DLG2: variants seen among roughly 807,000 people sequenced by gnomAD.
DLG2 encodes the protein discs large MAGUK scaffold protein 2, also known as disks large homolog 2.
DLG2 carries 45 observed loss-of-function variants against 132.5 expected under a neutral mutation model. The ratio of observed to expected loss-of-function variants is 0.34; its 90% CI spans 0.27 to 0.44. The LOEUF (loss-of-function observed/expected upper bound fraction) is 0.44. DLG2 is among the 20% of genes least tolerant of loss of function. The pLI is 1.00. For synonymous variants in DLG2, 424 were observed against 419.6 expected (o/e 1.01, Z -0.13); for missense variants, 1,045 against 1,196.9 (o/e 0.87, Z 1.87).
chr11:84,362,863 T>A (rs1457867223), intron 7 of DLG2, among the ~76,000 whole-genome samples: 5 of 152,228 alleles, frequency 3.3e-5, no homozygotes, highest in Admixed American at 3.3e-4. Flanking sequence ...GGCTGCATAG[T>A]ATTCCATGGT....
At chr11:84,849,137 C>T (rs1314367769) in intron 6 of DLG2, among the ~76,000 whole-genome samples, 2 of 152,058 alleles carry the variant, frequency 1.3e-5, no homozygotes, top group African/African-American at 2.4e-5. Context: ...TGGAGAGAGG[C>T]CAAATTGTCC....
chr11:83,684,115 C>T (rs749328069), intron 18 of DLG2, among the ~76,000 whole-genome samples: 5 of 152,040 alleles, frequency 3.3e-5, no homozygotes, highest in Non-Finnish European at 4.4e-5. Flanking sequence ...CTTACAGCCA[C>T]TAAGTCATGG....
chr11:84,930,128 G>A (rs1323039169), intron 6 of DLG2, among the ~76,000 whole-genome samples: 1 of 152,074 alleles, frequency 6.6e-6, no homozygotes, highest in Non-Finnish European at 1.5e-5. Flanking sequence ...TCAAAATCCT[G>A]TTACTCCTTA....
intron 6 of DLG2, among the ~76,000 whole-genome samples, chr11:85,087,443 C>T (rs2068082469): frequency 6.6e-6 from 1 of 152,176 alleles, no homozygotes; most frequent in Non-Finnish European, 1.5e-5. Context: ...TGGCCAAAGC[C>T]CTTAGGCAAG....
At chr11:85,014,782 T>C (rs2154136983) in intron 6 of DLG2, among the ~76,000 whole-genome samples, 1 of 152,328 alleles carries the variant, frequency 6.6e-6, no homozygotes. Flanking sequence ...TGGTCCTTTC[T>C]ACCTGTCCAG....
chr11:84,679,659 G>A (rs2099723801), intron 6 of DLG2, among the ~76,000 whole-genome samples: 1 of 152,034 alleles, frequency 6.6e-6, no homozygotes, highest in South Asian at 2.1e-4. Flanking sequence ...TTTACTATAT[G>A]TCAAAGTCTG....
chr11:85,274,191 C>T (rs2077735252), intron 4 of DLG2, among the ~76,000 whole-genome samples: 1 of 152,134 alleles, frequency 6.6e-6, no homozygotes. Flanking sequence ...CAACATGGCA[C>T]ATGTATACAT....
intron 16 of DLG2, among the ~76,000 whole-genome samples, chr11:83,839,390 T>C (rs2057038454): frequency 6.6e-6 from 1 of 152,200 alleles, no homozygotes; most frequent in African/African-American, 2.4e-5. Flanking sequence ...TTTTTCTAAT[T>C]TAAATTTCTT....
At chr11:85,421,176 T>C (rs1429464659) in intron 3 of DLG2, among the ~76,000 whole-genome samples, 1 of 151,890 alleles carries the variant, frequency 6.6e-6, no homozygotes, top group East Asian at 1.9e-4. Context: ...AGTGTACCAT[T>C]CCTCATGGCA....
intron 6 of DLG2, among the ~76,000 whole-genome samples, chr11:84,789,040 A>T (rs2073396011): frequency 6.6e-6 from 1 of 152,212 alleles, no homozygotes; most frequent in South Asian, 2.1e-4. Flanking sequence ...AATGCAAGGA[A>T]GTGAAACAAA....
chr11:83,981,549 C>A (rs1443435173), intron 11 of DLG2, among the ~76,000 whole-genome samples: 1 of 152,132 alleles, frequency 6.6e-6, no homozygotes, highest in Non-Finnish European at 1.5e-5. Context: ...TCAAGCGGTT[C>A]TCCTGCCTCA....
rs143412342 is a variant in DLG2 at position 85,556,146 on chromosome 11, T to G, written c.40+42511A>C. On this transcript the variant is annotated intron_variant, in intron 3 of 27. Coordinates refer to ENST00000376104, the MANE Select transcript of DLG2 (RefSeq NM_001142699.3). ...AGATATTGTTGAAATTGGCATTATATGGTTATCTAATACAATGTTCTAGGA... is the reference window on the plus strand; with the variant it reads ...AGATATTGTTGAAATTGGCATTATAGGGTTATCTAATACAATGTTCTAGGA... Among the ~76,000 whole-genome samples the G allele has an allele frequency of 3.9e-3, 592 of 151,986 alleles. 9 individuals are homozygous for G. Among genetic ancestry groups the G allele is most frequent in the African/African-American group, 0.014 (562 of 41,536 alleles).
At chr11:85,533,106 C>T (rs1483143627) in intron 3 of DLG2, among the ~76,000 whole-genome samples, 1 of 152,130 alleles carries the variant, frequency 6.6e-6, no homozygotes. Flanking sequence ...TCACTGCAAC[C>T]TCCCCCTCCC....
At chr11:84,755,297 T>A (rs2066711007) in intron 6 of DLG2, among the ~76,000 whole-genome samples, 1 of 152,210 alleles carries the variant, frequency 6.6e-6, no homozygotes, top group Non-Finnish European at 1.5e-5. Flanking sequence ...ACCAATAAAT[T>A]TTTGTAGAAT....
chr11:84,088,204 C>A (rs2097024006), intron 10 of DLG2, among the ~76,000 whole-genome samples: 1 of 152,072 alleles, frequency 6.6e-6, no homozygotes, highest in African/African-American at 2.4e-5. Flanking sequence ...ACTTCCTAAA[C>A]CAAGATCATA....
intron 6 of DLG2, among the ~76,000 whole-genome samples, chr11:84,862,909 G>A (rs982176495): frequency 6.6e-6 from 1 of 151,540 alleles, no homozygotes; most frequent in Non-Finnish European, 1.5e-5. Context: ...AACCACCATG[G>A]CACATGTATA....
intron 18 of DLG2, among the ~76,000 whole-genome samples, chr11:83,665,130 T>G (rs1205226685): frequency 5.3e-5 from 8 of 152,196 alleles, no homozygotes; most frequent in Admixed American, 5.2e-4. Context: ...AGTGTGTGCC[T>G]GTAAGAGATG....
In DLG2 at chr11:83,477,915, C is replaced by T. The variant is rs144059859; in HGVS notation, c.2294-5138G>A. ...CAGTGCTCTTTCTGGGAAGTTCCTT[C>T]CTCATCTTGCCTAGCTAGCAAGTTC... is the stretch of plus-strand genomic sequence containing the variant. On this transcript the variant is annotated intron_variant, in intron 22 of 27. Coordinates refer to ENST00000376104, the MANE Select transcript of DLG2 (RefSeq NM_001142699.3). Among the ~76,000 whole-genome samples, 617 of 152,112 alleles carry T rather than the reference C, an allele frequency of 4.1e-3. 3 individuals are homozygous for T. The highest frequency in any genetic ancestry group is 0.014 in the African/African-American group (576 of 41,516).
At chr11:83,662,195 G>C (rs1416634937) in intron 18 of DLG2, among the ~76,000 whole-genome samples, 1 of 152,140 alleles carries the variant, frequency 6.6e-6, no homozygotes, top group Admixed American at 6.5e-5. Flanking sequence ...ATAATGACAA[G>C]GGCATCTGCA....
Sources: allele counts gnomAD v4.1 joint callset (sites outside exome capture counted in the v4.1 genomes callset), GRCh38; gene constraint gnomAD v4.1.1; transcripts MANE v1.5; gene names NCBI Gene and HGNC (gene_info 2026-07-23, HGNC 2026-07-21).